Variants in HOOK1 observed in about 807,000 individuals in gnomAD.
The protein encoded by HOOK1 is hook microtubule tethering protein 1, also known as protein Hook homolog 1.
A neutral mutation model predicts 112.8 loss-of-function variants in HOOK1; 60 were observed. The ratio of observed to expected loss-of-function variants is 0.53; its 90% confidence interval spans 0.43 to 0.66. HOOK1 has a LOEUF of 0.66. HOOK1 is among the 30% of genes least tolerant of loss of function. The probability of loss-of-function intolerance (pLI) is 0.00; values close to 1 mark genes in which losing one functional copy is unlikely to be tolerated. For missense variants in HOOK1, 770 were observed against 856.0 expected, an observed-to-expected ratio of 0.90 and a Z score of 1.25; for synonymous variants, 294 against 283.8, an observed-to-expected ratio of 1.04 and a Z score of -0.36.
At chr1:59,824,701 A>G (rs920643241) in intron 2 of HOOK1, among the ~76,000 whole-genome samples, 16 of 152,204 alleles carry the variant, frequency 1.1e-4, no homozygotes, top group African/African-American at 3.9e-4. Flanking sequence ...AGTGGTGTCT[A>G]AACTGTTTAA....
chr1:59,815,371 T>G, intron 1 of HOOK1, 191 bp downstream of exon 1: 1 of 587,710 alleles, frequency 1.7e-6, no homozygotes, highest in South Asian at 2.0e-5. Context: ...CGCGGGTTGG[T>G]GTCCGGGGGT....
intron 1 of HOOK1, among the ~76,000 whole-genome samples, chr1:59,817,977 G>C (rs576632794): frequency 6.6e-6 from 1 of 152,272 alleles, no homozygotes; most frequent in South Asian, 2.1e-4. Context: ...AAATATCATT[G>C]CCTTGGTTCT....
chr1:59,865,350 G>C (rs761024518), intron 18 of HOOK1, 105 bp downstream of exon 18: 39 of 624,442 alleles, frequency 6.2e-5, no homozygotes, highest in Non-Finnish European at 9.8e-5. Context: ...ACAATGTGTA[G>C]ATACATATAT....
At chr1:59,820,445 C>A (rs548692576) in intron 1 of HOOK1, among the ~76,000 whole-genome samples, 142 of 152,280 alleles carry the variant, frequency 9.3e-4, no homozygotes, top group African/African-American at 3.3e-3. Context: ...TCACCCCTTC[C>A]CCAGCCTTCT....
At chr1:59,852,387 A>G (rs2098407609) in intron 12 of HOOK1, among the ~76,000 whole-genome samples, 1 of 151,754 alleles carries the variant, frequency 6.6e-6, no homozygotes, top group Non-Finnish European at 1.5e-5. Context: ...GTTTCTTTCT[A>G]GAGATTTGTC....
Position 59,830,953 on chromosome 1 carries a change from T to G in HOOK1, c.223-1210T>G, listed in dbSNP as rs147240059. On this transcript the variant is annotated intron_variant, in intron 3 of 21. Coordinates refer to ENST00000371208, the MANE Select transcript of HOOK1 (RefSeq NM_015888.6). Reference sequence around the variant, plus strand: ...TTTCGCTCTTACGCCCAGCCTGGAGTGAAGTGGTGCAATCTCAGCTCACTG... The same window carrying G: ...TTTCGCTCTTACGCCCAGCCTGGAGGGAAGTGGTGCAATCTCAGCTCACTG... Among the ~76,000 whole-genome samples, 173 of 150,330 alleles carry G rather than the reference T, an allele frequency of 1.2e-3. 3 individuals are homozygous for G. In the East Asian group the frequency reaches 0.03, roughly 26 times the overall value.
At chr1:59,829,359 A>G (rs568877340) in intron 3 of HOOK1, among the ~76,000 whole-genome samples, 53 of 152,242 alleles carry the variant, frequency 3.5e-4, no homozygotes, top group Non-Finnish European at 6.3e-4. Flanking sequence ...TACAACAGCT[A>G]CAAACATTCA....
intron 3 of HOOK1, among the ~76,000 whole-genome samples, chr1:59,829,575 CTGTGCTAATAA>C (rs1319080064): frequency 6.6e-6 from 1 of 152,034 alleles, no homozygotes; most frequent in African/African-American, 2.4e-5. Context: ...AACTGAATTA[CTGTGCTAATAA>C]TGTGCTAATA....
chr1:59,852,693 T>G (rs2098407828), intron 12 of HOOK1, among the ~76,000 whole-genome samples: 1 of 151,678 alleles, frequency 6.6e-6, no homozygotes, highest in African/African-American at 2.4e-5. Context: ...CAAATTCCTT[T>G]GTATATAAGT....
At chr1:59,862,743 C>T in intron 15 of HOOK1, 41 bp from the exon 16 acceptor site, 1 of 1,245,746 alleles carries the variant, frequency 8.0e-7, no homozygotes. Flanking sequence ...ACTGCTTTGA[C>T]TTTCAATACA....
At chr1:59,821,258 C>A (rs575439300) in intron 1 of HOOK1, among the ~76,000 whole-genome samples, 6 of 152,086 alleles carry the variant, frequency 3.9e-5, no homozygotes, top group Non-Finnish European at 5.9e-5. Flanking sequence ...TCAATATATA[C>A]ATGAATATTT....
chr1:59,824,267 G>GTAC (rs1339479599), intron 2 of HOOK1, among the ~76,000 whole-genome samples: 1 of 151,680 alleles, frequency 6.6e-6, no homozygotes, highest in Non-Finnish European at 1.5e-5. Flanking sequence ...GAATGCAGTG[G>GTAC]TACAATCACG....
At chr1:59,853,311 A>G (rs2098408249) in intron 12 of HOOK1, among the ~76,000 whole-genome samples, 1 of 151,700 alleles carries the variant, frequency 6.6e-6, no homozygotes, top group Non-Finnish European at 1.5e-5. Context: ...TATGTTTGTA[A>G]TTGTTATATC....
intron 18 of HOOK1, 101 bp downstream of exon 18, chr1:59,865,346 T>C (rs985711681): frequency 7.8e-6 from 5 of 641,970 alleles, no homozygotes; most frequent in Non-Finnish European, 1.4e-5. Flanking sequence ...TTGCACAATG[T>C]GTAGATACAT....
At chr1:59,815,267 C>G in intron 1 of HOOK1, 87 bp downstream of exon 1, 1 of 1,273,694 alleles carries the variant, frequency 7.9e-7, no homozygotes, top group Non-Finnish European at 1.1e-6. Flanking sequence ...TGAGCTGGGG[C>G]TACCTGCACA....
At position 59,827,857 on chromosome 1, in the gene HOOK1, T is replaced by C. The variant is rs185038698; in HGVS notation, c.150-923T>C. On this transcript the variant is annotated intron_variant, in intron 2 of 21. Coordinates refer to ENST00000371208, the MANE Select transcript of HOOK1 (RefSeq NM_015888.6). Reference sequence around the variant, plus strand: ...CTTGGAAAAGAAGCTCTTTACTTTTTCCCCTATTTTAGTTGGCATACCTGT... The same window carrying C: ...CTTGGAAAAGAAGCTCTTTACTTTTCCCCCTATTTTAGTTGGCATACCTGT... Among the ~76,000 whole-genome samples, 279 of 152,230 alleles carry C rather than the reference T, an allele frequency of 1.8e-3. 1 individual carries two copies. The highest frequency in any genetic ancestry group is 6.3e-3 in the African/African-American group (262 of 41,564).
intron 7 of HOOK1, among the ~76,000 whole-genome samples, chr1:59,838,108 G>A (rs1287049115): frequency 6.6e-6 from 1 of 152,114 alleles, no homozygotes; most frequent in Middle Eastern, 3.2e-3. Flanking sequence ...TGGACATTTG[G>A]GTTGGTTCCA....
At chr1:59,855,973 TATATATATATA>T (rs2098410425) in intron 12 of HOOK1, among the ~76,000 whole-genome samples, 1 of 81,494 alleles carries the variant, frequency 1.2e-5, no homozygotes, top group African/African-American at 5.0e-5. Context: ...TTATTATATA[TATATATATATA>T]TTTTTTTTTT....
chr1:59,858,659 C>A, intron 13 of HOOK1, 144 bp downstream of exon 13: 1 of 644,068 alleles, frequency 1.6e-6, no homozygotes, highest in South Asian at 1.9e-5. Flanking sequence ...ATCACTTGAG[C>A]CTAGGAGTTT....
Sources: allele counts gnomAD v4.1 joint callset (sites outside exome capture counted in the v4.1 genomes callset), GRCh38; gene constraint gnomAD v4.1.1; transcripts MANE v1.5; gene names NCBI Gene and HGNC (gene_info 2026-07-23, HGNC 2026-07-21).